The following PARP4 variants were observed in gnomAD, a reference collection of about 807,000 sequenced individuals.
PARP4 encodes the protein protein mono-ADP-ribosyltransferase PARP4.
PARP4 carries 120 observed loss-of-function variants against 187.7 expected under a neutral mutation model. The observed-to-expected ratio is 0.64, with a 90% CI of 0.55 to 0.74. The LOEUF is 0.74. PARP4 is among the 30% of genes least tolerant of loss of function. The probability of loss-of-function intolerance (pLI) is 0.00; values close to 1 mark genes in which losing one functional copy is unlikely to be tolerated. For missense variants in PARP4, 1,836 were observed against 2,070.5 expected, an observed-to-expected ratio of 0.89 and a Z score of 2.20; for synonymous variants, 654 against 740.9, an observed-to-expected ratio of 0.88 and a Z score of 1.90.
chr13:24,491,874 T>C (rs1226631423), intron 9 of PARP4, among the ~76,000 whole-genome samples: 1 of 152,230 alleles, frequency 6.6e-6, no homozygotes, highest in Non-Finnish European at 1.5e-5. Flanking sequence ...GCTTCCTCTA[T>C]GTGACACAAA....
intron 32 of PARP4, 138 bp from the exon 33 acceptor site, chr13:24,426,736 A>T (rs1168356603): frequency 2.6e-6 from 2 of 760,658 alleles, no homozygotes; most frequent in African/African-American, 1.8e-5. Flanking sequence ...AAAAAAAAAA[A>T]TACAAAAAAT....
At position 24,455,002 on chromosome 13, in the gene PARP4, C is replaced by G; in HGVS notation, c.2758+15G>C. 1 of 1,555,502 alleles carries G rather than the reference C, an allele frequency of 6.4e-7. No individual in the cohort carries two copies. The highest frequency in any genetic ancestry group is 1.3e-5 in the African/African-American group (1 of 74,246). ...AGGGGAAGCACACGCAGGACCAGGG[C>G]CAAAGCGCACTCACCTGTGCCGAAC... On this transcript the variant is annotated intron_variant, in intron 22 of 33. Coordinates refer to ENST00000381989, the MANE Select transcript of PARP4 (RefSeq NM_006437.4).
chr13:24,438,007 C>G (rs1011203404), intron 30 of PARP4, among the ~76,000 whole-genome samples: 4 of 152,184 alleles, frequency 2.6e-5, no homozygotes, highest in African/African-American at 9.7e-5. Context: ...ATCCACCCAC[C>G]TTGGCCTCCC....
At chr13:24,464,051 C>T (rs1420136382) in intron 17 of PARP4, among the ~76,000 whole-genome samples, 2 of 152,012 alleles carry the variant, frequency 1.3e-5, no homozygotes, top group Non-Finnish European at 2.9e-5. Flanking sequence ...TTCACAATTG[C>T]TACAAAGAGA....
chr13:24,473,618 G>A (rs1463209243), intron 15 of PARP4, among the ~76,000 whole-genome samples: 1 of 152,110 alleles, frequency 6.6e-6, no homozygotes, highest in African/African-American at 2.4e-5. Flanking sequence ...ATCTTAAAAT[G>A]AGAAAGAAAA....
At chr13:24,460,416 C>G (rs1011569494) in intron 17 of PARP4, among the ~76,000 whole-genome samples, 24 of 152,146 alleles carry the variant, frequency 1.6e-4, no homozygotes, top group African/African-American at 5.3e-4. Context: ...CCCCAGGGGG[C>G]TCTCATGTGT....
chr13:24,503,859 G>A, intron 1 of PARP4, 82 bp from the exon 2 acceptor site: 1 of 1,197,348 alleles, frequency 8.4e-7, no homozygotes, highest in Non-Finnish European at 1.2e-6. Context: ...GCAAACTGTG[G>A]GAAAATTGGG....
chr13:24,443,232 C>G (rs75682479), intron 28 of PARP4, among the ~76,000 whole-genome samples: 29 of 144,710 alleles, frequency 2.0e-4, no homozygotes, highest in Non-Finnish European at 3.3e-4. Flanking sequence ...TGCTGAGGCC[C>G]TGGTCTGCAC....
intron 9 of PARP4, among the ~76,000 whole-genome samples, chr13:24,491,142 T>TG (rs1213703253): frequency 4.0e-5 from 6 of 151,502 alleles, no homozygotes; most frequent in African/African-American, 1.5e-4. Context: ...TTTTTTTAGA[T>TG]GGAGTTTTGC....
At chr13:24,449,366 C>T (rs111461293) in intron 25 of PARP4, among the ~76,000 whole-genome samples, 10 of 118,158 alleles carry the variant, frequency 8.5e-5, no homozygotes, top group South Asian at 5.7e-4. Context: ...CCAGCCTGGG[C>T]GACAGAGCAA....
chr13:24,497,548 G>A (rs998931548), intron 6 of PARP4, among the ~76,000 whole-genome samples: 5 of 152,114 alleles, frequency 3.3e-5, no homozygotes, highest in African/African-American at 1.2e-4. Flanking sequence ...GCGGGACCCT[G>A]TGCTGATCTA....
chr13:24,493,785 T>C, intron 7 of PARP4, 52 bp from the exon 8 acceptor site: 1 of 1,583,632 alleles, frequency 6.3e-7, no homozygotes, highest in Non-Finnish European at 8.6e-7. Flanking sequence ...TGTGAGTTTG[T>C]GTAAAACTTA....
At chr13:24,479,993 G>C (rs1309234167) in intron 12 of PARP4, among the ~76,000 whole-genome samples, 1 of 151,900 alleles carries the variant, frequency 6.6e-6, no homozygotes, top group Non-Finnish European at 1.5e-5. Context: ...CACTCACTGC[G>C]AAGGTCTGCA....
intron 5 of PARP4, 55 bp from the exon 6 acceptor site, chr13:24,498,284 G>T: frequency 9.8e-7 from 1 of 1,015,624 alleles, no homozygotes; most frequent in Non-Finnish European, 1.5e-6. Flanking sequence ...CAAACTACAT[G>T]TGCCATTTGA....
chr13:24,505,166 G>A (rs1869551980), intron 1 of PARP4, among the ~76,000 whole-genome samples: 1 of 152,206 alleles, frequency 6.6e-6, no homozygotes, highest in East Asian at 1.9e-4. Flanking sequence ...AGAGGAGAAA[G>A]AAAGAGAGAG....
At position 24,460,017 on chromosome 13, in the gene PARP4, G is replaced by A. The variant is rs374282739; in HGVS notation, c.2253C>T (p.Thr751=). The A allele has an allele frequency of 1.6e-5, 26 of 1,613,964 alleles. No individual in the cohort carries two copies. Among genetic ancestry groups the A allele is most frequent in the Admixed American group, 6.7e-5 (4 of 59,992 alleles). ...GTVGVFFMPA[T]VAPWQQDKAL... is the part of the protein sequence containing the mutation. ...CCTTGTCCTGTTGCCAGGGTGCTAC[G>A]GTGGCGGGCATGAAAAAGACACCAA... Residue 751 remains threonine (T), a synonymous_variant, in exon 18 of 34, where the codon ACC becomes ACT. Transcript: ENST00000381989.
At chr13:24,482,624 T>C (rs1414393360) in intron 12 of PARP4, among the ~76,000 whole-genome samples, 2 of 150,036 alleles carry the variant, frequency 1.3e-5, no homozygotes, top group African/African-American at 4.9e-5. Flanking sequence ...TTTTTAGTAA[T>C]AAAGTAAGTT....
chr13:24,501,578 C>G (rs917687621), intron 3 of PARP4, 55 bp downstream of exon 3: 37 of 1,222,992 alleles, frequency 3.0e-5, no homozygotes, highest in Non-Finnish European at 4.4e-5. Context: ...TTGACAAACC[C>G]AAGCGTGTAC....
chr13:24,500,312 T>G lies in PARP4; in HGVS notation c.401+4A>C, dbSNP rs1179726986. On this transcript the variant is annotated splice_donor_region_variant and intron_variant, in intron 4 of 33. Coordinates refer to ENST00000381989, the MANE Select transcript of PARP4 (RefSeq NM_006437.4). ...GTCCCAGGAATCAGAAAGAAGTAAA[T>G]TACTCAGTGAGTTCCACAGTGTCTT... The G allele has an allele frequency of 6.4e-7, 1 of 1,561,372 alleles. No individual in the cohort carries two copies. Among genetic ancestry groups the G allele is most frequent in the East Asian group, 2.3e-5 (1 of 43,186 alleles).
Sources: gnomAD v4.1 joint callset for allele counts (sites outside exome capture counted in the v4.1 genomes callset) on GRCh38, gnomAD v4.1.1 for gene constraint, MANE v1.5 for transcripts, NCBI Gene and HGNC (gene_info 2026-07-23, HGNC 2026-07-21) for gene names.